The following EYS variants were observed in gnomAD, a reference collection of about 807,000 sequenced individuals.
EYS encodes protein eyes shut homolog.
Under a neutral mutation model 282.1 loss-of-function variants are expected in EYS, and 250 were observed. The observed-to-expected ratio is 0.89, with a 90% CI of 0.80 to 0.98. The LOEUF (loss-of-function observed/expected upper bound fraction) is 0.98. EYS is among the 50% of genes least tolerant of loss of function. The pLI is 0.00. For synonymous variants in EYS, 1,355 were observed against 1,282.9 expected, an observed-to-expected ratio of 1.06 and a Z score of -1.20; for missense variants, 4,016 against 3,709.0, an observed-to-expected ratio of 1.08 and a Z score of -2.15.
chr6:64,114,607 A>C (rs570972788), intron 31 of EYS, among the ~76,000 whole-genome samples: 1 of 152,336 alleles, frequency 6.6e-6, no homozygotes, highest in South Asian at 2.1e-4. Flanking sequence ...GAAAGGGGCT[A>C]TCACTGTCAG....
intron 22 of EYS, among the ~76,000 whole-genome samples, chr6:64,757,769 T>A (rs1562174648): frequency 6.6e-6 from 1 of 151,398 alleles, no homozygotes; most frequent in East Asian, 1.9e-4. Flanking sequence ...TGTGTGTGTG[T>A]GTGTGTGTGT....
intron 24 of EYS, among the ~76,000 whole-genome samples, chr6:64,605,795 C>T (rs653783): frequency 0.021 from 3,261 of 151,924 alleles, 131 homozygotes; most frequent in African/African-American, 0.074. Context: ...TAGGTAAATT[C>T]GTGGGTCATC....
intron 22 of EYS, among the ~76,000 whole-genome samples, chr6:64,651,575 C>T (rs912490520): frequency 1.3e-5 from 2 of 152,074 alleles, no homozygotes; most frequent in African/African-American, 4.8e-5. Flanking sequence ...CCCATCACAT[C>T]GGGAGGCTGA....
intron 22 of EYS, among the ~76,000 whole-genome samples, chr6:64,646,039 A>T (rs774018020): frequency 6.6e-6 from 1 of 152,232 alleles, no homozygotes; most frequent in Non-Finnish European, 1.5e-5. Context: ...TTGAAAAACT[A>T]TACTAGGAAG....
chr6:65,433,967 A>G (rs900050318), intron 5 of EYS, among the ~76,000 whole-genome samples: 1 of 152,194 alleles, frequency 6.6e-6, no homozygotes, highest in Admixed American at 6.5e-5. Flanking sequence ...AAAGACCTCT[A>G]TTTCCTACCA....
At chr6:63,995,918 A>G (rs763389524) in intron 34 of EYS, among the ~76,000 whole-genome samples, 9 of 151,982 alleles carry the variant, frequency 5.9e-5, no homozygotes, top group Non-Finnish European at 1.0e-4. Flanking sequence ...ATAATAACAT[A>G]TTTAAAAACA....
intron 12 of EYS, among the ~76,000 whole-genome samples, chr6:65,245,059 C>G (rs1767147118): frequency 6.6e-6 from 1 of 152,100 alleles, no homozygotes; most frequent in Non-Finnish European, 1.5e-5. Flanking sequence ...AATGTTTTAA[C>G]TATTAGAATA....
intron 12 of EYS, among the ~76,000 whole-genome samples, chr6:65,197,120 A>C (rs1230493430): frequency 1.3e-5 from 2 of 152,142 alleles, no homozygotes; most frequent in Non-Finnish European, 1.5e-5. Flanking sequence ...TGTTAGAGGT[A>C]CATGAGAGGC....
chr6:65,129,713 T>C (rs1028466738), intron 12 of EYS, among the ~76,000 whole-genome samples: 4 of 151,884 alleles, frequency 2.6e-5, no homozygotes, highest in African/African-American at 9.7e-5. Flanking sequence ...ACATAGTTGG[T>C]GGTAATGTAA....
At chr6:65,705,526 A>C (rs542514901) in intron 1 of EYS, among the ~76,000 whole-genome samples, 1 of 152,202 alleles carries the variant, frequency 6.6e-6, no homozygotes, top group South Asian at 2.1e-4. Context: ...GAATGCCTCC[A>C]AATCAAGGCT....
chr6:64,243,385 C>G (rs1044356916), intron 30 of EYS, among the ~76,000 whole-genome samples: 90 of 152,302 alleles, frequency 5.9e-4, no homozygotes, highest in African/African-American at 2.2e-3. Flanking sequence ...GTTCTATCAG[C>G]ATAGACAGGA....
intron 18 of EYS, among the ~76,000 whole-genome samples, chr6:64,897,949 G>C (rs371794838): frequency 7.9e-5 from 12 of 152,186 alleles, no homozygotes; most frequent in Admixed American, 2.6e-4. Flanking sequence ...AGAAATATGG[G>C]ACTATGTGAA....
chr6:64,955,610 A>T (rs1360838429), intron 14 of EYS, among the ~76,000 whole-genome samples: 1 of 152,174 alleles, frequency 6.6e-6, no homozygotes, highest in Non-Finnish European at 1.5e-5. Context: ...CCTGAATATG[A>T]CCCAGAGCTA....
intron 22 of EYS, among the ~76,000 whole-genome samples, chr6:64,765,941 A>T (rs571992538): frequency 7.9e-5 from 12 of 152,128 alleles, no homozygotes; most frequent in Non-Finnish European, 1.6e-4. Context: ...AATATTTAGT[A>T]CCATACCTTC....
rs138988709 is a variant in EYS at position 64,664,324 on chromosome 6, T to C, written c.3444-38079A>G. Among the ~76,000 whole-genome samples, 588 of 152,298 alleles carry C rather than the reference T, an allele frequency of 3.9e-3. 2 individuals are homozygous for C. Among genetic ancestry groups the C allele is most frequent in the African/African-American group, 0.013 (557 of 41,562 alleles). ...TCTTTACCTCCTGTTTTTAGCCTAA[T>C]TGGTGTTTTAGTGAGCCCTCTTTAC... On this transcript the variant is annotated intron_variant, in intron 22 of 42. Coordinates refer to ENST00000503581, the MANE Select transcript of EYS (RefSeq NM_001142800.2).
rs1203749773 is a variant in EYS at position 64,950,827 on chromosome 6, ATATATATT to A, written c.2260-4921_2260-4914del. 2.1e-3 allele frequency among the ~76,000 whole-genome samples: 247 copies of A among 118,356 alleles called. 1 individual carries two copies. Among genetic ancestry groups the A allele is most frequent in the Admixed American group, 4.4e-3 (47 of 10,644 alleles). 77.6% of individuals were successfully genotyped at this position (118,356 alleles called of 152,430 possible). ...TATATATATATATATATATATATAT[ATATATATT>A]GTTGAATTGTTACAAGAACAACTGA... On this transcript the variant is annotated intron_variant, in intron 14 of 42. Transcript: ENST00000503581.
chr6:65,690,476 G>C (rs1210644271), intron 1 of EYS, among the ~76,000 whole-genome samples: 1 of 149,884 alleles, frequency 6.7e-6, no homozygotes, highest in Non-Finnish European at 1.5e-5. Context: ...TCTGGGATAG[G>C]AATCTTGGTG....
chr6:64,820,329 C>T (rs116659660), intron 21 of EYS, among the ~76,000 whole-genome samples: 1,810 of 151,910 alleles, frequency 0.012, 37 homozygotes, highest in African/African-American at 0.04. Context: ...TATATATGTA[C>T]GCATGCATAT....
At chr6:64,384,345 C>T (rs1360631364) in intron 29 of EYS, among the ~76,000 whole-genome samples, 1 of 152,082 alleles carries the variant, frequency 6.6e-6, no homozygotes, top group Non-Finnish European at 1.5e-5. Flanking sequence ...ATAATGTTTA[C>T]ATTTTTGGAG....
Sources: allele counts gnomAD v4.1 joint callset (sites outside exome capture counted in the v4.1 genomes callset), GRCh38; gene constraint gnomAD v4.1.1; transcripts MANE v1.5; gene names NCBI Gene and HGNC (gene_info 2026-07-23, HGNC 2026-07-21).